The following PRKAR2A variants were observed in gnomAD, a reference collection of about 807,000 sequenced individuals.
PRKAR2A encodes cAMP-dependent protein kinase type II-alpha regulatory subunit.
A neutral mutation model predicts 51.9 loss-of-function variants in PRKAR2A; 29 were observed. The ratio of observed to expected loss-of-function variants is 0.56; its 90% confidence interval spans 0.42 to 0.76. The LOEUF (loss-of-function observed/expected upper bound fraction) is 0.76. Among genes scored for constraint, PRKAR2A ranks in the 30% least tolerant of loss-of-function variants. The probability of loss-of-function intolerance (pLI) is 0.00; values close to 1 mark genes in which losing one functional copy is unlikely to be tolerated. For missense variants in PRKAR2A, 445 were observed against 512.1 expected (o/e 0.87, Z 1.26); for synonymous variants, 178 against 186.2 (o/e 0.96, Z 0.36).
At chr3:48,835,106 G>C (rs2083259330) in intron 1 of PRKAR2A, among the ~76,000 whole-genome samples, 1 of 151,854 alleles carries the variant, frequency 6.6e-6, no homozygotes, top group African/African-American at 2.4e-5. Flanking sequence ...AGAGTTGCTG[G>C]GACTACAGAT....
intron 8 of PRKAR2A, among the ~76,000 whole-genome samples, chr3:48,759,870 A>G (rs970245539): frequency 6.6e-6 from 1 of 152,192 alleles, no homozygotes; most frequent in South Asian, 2.1e-4. Flanking sequence ...ACATTCCACC[A>G]TAAGAATGAC....
chr3:48,789,372 A>G (rs2082345498), intron 4 of PRKAR2A, among the ~76,000 whole-genome samples: 1 of 152,092 alleles, frequency 6.6e-6, no homozygotes, highest in African/African-American at 2.4e-5. Flanking sequence ...CATCTTAACC[A>G]AGTACTTAAC....
intron 3 of PRKAR2A, among the ~76,000 whole-genome samples, chr3:48,791,994 CAAT>C (rs776884017): frequency 1.4e-5 from 2 of 146,220 alleles, no homozygotes; most frequent in Non-Finnish European, 3.0e-5. Flanking sequence ...TCACAGTCAT[CAAT>C]AATTTTACAA....
chr3:48,786,981 C>T (rs918992886), intron 4 of PRKAR2A, among the ~76,000 whole-genome samples: 12 of 151,916 alleles, frequency 7.9e-5, no homozygotes, highest in African/African-American at 2.2e-4. Flanking sequence ...AATGAAGAGA[C>T]ATTCTATAGA....
chr3:48,799,955 G>A (rs2082559016), intron 2 of PRKAR2A, among the ~76,000 whole-genome samples: 2 of 152,004 alleles, frequency 1.3e-5, no homozygotes, highest in African/African-American at 4.8e-5. Context: ...CACCTCCCAG[G>A]TTCAAGCAAT....
chr3:48,789,165 C>T (rs546491355), intron 4 of PRKAR2A, among the ~76,000 whole-genome samples: 6 of 152,254 alleles, frequency 3.9e-5, no homozygotes, highest in African/African-American at 7.2e-5. Context: ...ATGACAAAAC[C>T]GCATGCTCTT....
chr3:48,839,622 A>G (rs2083344457), intron 1 of PRKAR2A, among the ~76,000 whole-genome samples: 1 of 152,210 alleles, frequency 6.6e-6, no homozygotes, highest in South Asian at 2.1e-4. Context: ...TTATTAAAAT[A>G]ACAGCTAGTA....
At chr3:48,791,592 C>CAAAAAA (rs35978535) in intron 3 of PRKAR2A, among the ~76,000 whole-genome samples, 3 of 41,798 alleles carry the variant, frequency 7.2e-5, no homozygotes, top group East Asian at 7.9e-4. Flanking sequence ...GATTCCGTCT[C>CAAAAAA]AAAAAAAAAA....
chr3:48,847,168 C>T lies in PRKAR2A; in HGVS notation c.262+167G>A, dbSNP rs1043480716. ...CGGAGCTCAATTTGGAAGTGGCGCACGCGGGCTCACGCCGGTGTCTCAGGG... is the reference window on the plus strand; with the variant it reads ...CGGAGCTCAATTTGGAAGTGGCGCATGCGGGCTCACGCCGGTGTCTCAGGG... On this transcript the variant is annotated intron_variant, in intron 1 of 10. Transcript: ENST00000265563. The surrounding 1 kb of genome is among the most constrained non-coding windows in gnomAD (Gnocchi z 4.4). 4.6e-5 allele frequency among the ~76,000 whole-genome samples: 7 copies of T among 152,192 alleles called. No homozygotes were observed. The highest frequency in any genetic ancestry group is 1.0e-4 in the Non-Finnish European group (7 of 68,030).
At chr3:48,768,370 G>GACAC in intron 6 of PRKAR2A, among the ~76,000 whole-genome samples, 1 of 151,104 alleles carries the variant, frequency 6.6e-6, no homozygotes, top group Admixed American at 6.6e-5. Context: ...CAGACAGACA[G>GACAC]ACACACACAC....
chr3:48,825,971 AC>A (rs982915805), intron 1 of PRKAR2A, among the ~76,000 whole-genome samples: 3 of 151,940 alleles, frequency 2.0e-5, no homozygotes, highest in African/African-American at 7.3e-5. Flanking sequence ...CTTCTAACCA[AC>A]TCATTACAAA....
Position 48,747,440 on chromosome 3 carries a change from A to G in PRKAR2A, c.*4145T>C, listed in dbSNP as rs944118856. On this transcript the variant is annotated 3_prime_UTR_variant, in exon 11 of 11. Coordinates refer to ENST00000265563, the MANE Select transcript of PRKAR2A (RefSeq NM_004157.4). ...CCAACAGCACCTCTCACTGAATACG[A>G]TATCACTGTGTGCAGAGAAAACGGG... 3 of 152,162 alleles carry G rather than the reference A, an allele frequency of 2.0e-5. No individual in the cohort carries two copies. The highest frequency in any genetic ancestry group is 1.5e-5 in the Non-Finnish European group (1 of 68,038). The allele number at this position is 152,162 out of a possible 1,614,324, so 9.4% of individuals were successfully genotyped here.
chr3:48,767,345 G>C (rs748543771), intron 6 of PRKAR2A, among the ~76,000 whole-genome samples: 4 of 151,956 alleles, frequency 2.6e-5, no homozygotes, highest in Non-Finnish European at 5.9e-5. Context: ...CAGGCATGGT[G>C]GTGGGCGCCT....
At chr3:48,804,162 T>C in intron 2 of PRKAR2A, among the ~76,000 whole-genome samples, 1 of 151,530 alleles carries the variant, frequency 6.6e-6, no homozygotes, top group East Asian at 1.9e-4. Flanking sequence ...GCAAAGCAAA[T>C]AAAAAGGGAA....
chr3:48,828,600 T>C (rs1403240748), intron 1 of PRKAR2A, among the ~76,000 whole-genome samples: 1 of 150,040 alleles, frequency 6.7e-6, no homozygotes, highest in Non-Finnish European at 1.5e-5. Context: ...CCAGCGCCTC[T>C]GGTCCCAGCT....
At position 48,751,743 on chromosome 3, in the gene PRKAR2A, G is replaced by C. The variant is rs560369542; in HGVS notation, c.1082-25C>G. 9 of 1,590,726 alleles carry C rather than the reference G, an allele frequency of 5.7e-6. No homozygotes were observed. The Middle Eastern group carries it at 5.0e-4, about 89-fold the overall frequency. ...ACTGCATTGTTAAAAAGAGGTGAGG[G>C]AGAGAATGAATTCAAGCCATTTCCC... On this transcript the variant is annotated intron_variant, in intron 10 of 10. Coordinates refer to ENST00000265563, the MANE Select transcript of PRKAR2A (RefSeq NM_004157.4).
intron 5 of PRKAR2A, among the ~76,000 whole-genome samples, chr3:48,781,402 C>T (rs559008874): frequency 3.9e-4 from 59 of 150,994 alleles, no homozygotes; most frequent in African/African-American, 7.8e-4. Flanking sequence ...AGTGCAGTGG[C>T]GCTATCTTGG....
intron 5 of PRKAR2A, among the ~76,000 whole-genome samples, chr3:48,780,128 C>T (rs1486351984): frequency 6.6e-6 from 1 of 150,994 alleles, no homozygotes; most frequent in African/African-American, 2.4e-5. Flanking sequence ...CACTGCACTC[C>T]AGCCTTGCGA....
intron 5 of PRKAR2A, among the ~76,000 whole-genome samples, chr3:48,779,546 C>G (rs945259030): frequency 4.7e-5 from 7 of 150,348 alleles, no homozygotes; most frequent in African/African-American, 1.7e-4. Flanking sequence ...TTTGGGAGGC[C>G]AAGGCGGGTG....
Sources: gnomAD v4.1 joint callset for allele counts (sites outside exome capture counted in the v4.1 genomes callset) on GRCh38, gnomAD v4.1.1 for gene constraint, Gnocchi (gnomAD v3.1) non-coding constraint, MANE v1.5 for transcripts, NCBI Gene and HGNC (gene_info 2026-07-23, HGNC 2026-07-21) for gene names.